Variants in ABHD3 observed in about 807,000 individuals in gnomAD.
ABHD3 encodes the protein abhydrolase domain containing 3, phospholipase.
ABHD3 carries 46 observed loss-of-function variants against 48.8 expected under a neutral mutation model. That is an observed-to-expected ratio of 0.94 (90% CI 0.74 to 1.20). The LOEUF is 1.20. Among genes scored for constraint, ABHD3 ranks in the 50% most tolerant of loss-of-function variants. The pLI is 0.00. For missense variants in ABHD3, 490 were observed against 497.8 expected, an observed-to-expected ratio of 0.98 and a Z score of 0.15; for synonymous variants, 192 against 183.7, an observed-to-expected ratio of 1.04 and a Z score of -0.36.
chr18:21,689,778 TA>T (rs935441035), intron 3 of ABHD3, among the ~76,000 whole-genome samples: 8 of 152,006 alleles, frequency 5.3e-5, no homozygotes, highest in Non-Finnish European at 8.8e-5. Flanking sequence ...CAATTAAGGC[TA>T]AAAAACTGGA....
At chr18:21,696,666 T>A (rs1339993710) in intron 3 of ABHD3, among the ~76,000 whole-genome samples, 1 of 152,224 alleles carries the variant, frequency 6.6e-6, no homozygotes, top group Admixed American at 6.5e-5. Flanking sequence ...CTGGTTTCCA[T>A]GAAGAGGGCT....
At chr18:21,668,484 C>T (rs914367235) in intron 4 of ABHD3, among the ~76,000 whole-genome samples, 47 of 151,990 alleles carry the variant, frequency 3.1e-4, no homozygotes, top group African/African-American at 1.1e-3. Flanking sequence ...AAGAAAAATG[C>T]CCTAAGGAAA....
At chr18:21,675,262 G>GTTTTT (rs61119109) in intron 4 of ABHD3, among the ~76,000 whole-genome samples, 26 of 85,478 alleles carry the variant, frequency 3.0e-4, no homozygotes, top group South Asian at 4.8e-4. Flanking sequence ...AATGAGGTGG[G>GTTTTT]TTTTTTTTTT....
In ABHD3 at chr18:21,651,345, T is replaced by C; in HGVS notation, c.*246A>G. 1 of 311,972 alleles carries C rather than the reference T, an allele frequency of 3.2e-6. No homozygotes were observed. The highest frequency in any genetic ancestry group is 5.9e-6 in the Non-Finnish European group (1 of 170,218). The allele number at this position is 311,972 out of a possible 1,614,324, so 19.3% of individuals were successfully genotyped here. On this transcript the variant is annotated 3_prime_UTR_variant, in exon 9 of 9. Coordinates refer to ENST00000289119, the MANE Select transcript of ABHD3 (RefSeq NM_138340.5). ...GCAATTTCATGTACATACTACTTTG[T>C]TTAAGGATGTACTTGGTAAGGCATA...
chr18:21,702,372 T>C lies in ABHD3; in HGVS notation c.453A>G (p.Thr151=). ...TILLLPGLTG[T]SKESYILHMI... ...TATGAAGGATATATGACTCCTTGCT[T>C]GTTCCCGTGAGGCCAGGCAACAATA... The change falls in exon 3 of 9, where the codon ACA becomes ACG. Residue 151 remains threonine (T), a synonymous_variant. Transcript: ENST00000289119. 2 of 1,613,978 alleles carry C rather than the reference T, an allele frequency of 1.2e-6. No homozygotes were observed. Among genetic ancestry groups the C allele is most frequent in the Non-Finnish European group, 1.7e-6 (2 of 1,179,924 alleles).
intron 4 of ABHD3, among the ~76,000 whole-genome samples, chr18:21,678,419 T>C (rs2039936108): frequency 1.3e-5 from 2 of 152,054 alleles, no homozygotes; most frequent in South Asian, 4.1e-4. Context: ...ATCCTATAAC[T>C]AAAAATAGGG....
chr18:21,702,444 A>G lies in ABHD3; in HGVS notation c.381T>C (p.Asn127=), dbSNP rs777566601. 6.8e-6 allele frequency: 11 copies of G among 1,613,346 alleles called. No individual in the cohort carries two copies. In the East Asian group the frequency reaches 1.8e-4, roughly 26 times the overall value. Residue 127 remains asparagine, a synonymous_variant, in exon 3 of 9, where the codon AAT becomes AAC. Coordinates refer to ENST00000289119, the MANE Select transcript of ABHD3 (RefSeq NM_138340.5). Reference sequence around the variant, plus strand: ...CATCCATATAACACGTACTGTTATCATTATCAAACCAGTCCAGTGAAATCT... The same window carrying G: ...CATCCATATAACACGTACTGTTATCGTTATCAAACCAGTCCAGTGAAATCT... ...GGQISLDWFD[N]DNSTCYMDAS... is the part of the protein sequence containing the mutation.
chr18:21,664,417 C>T (rs527503115), intron 4 of ABHD3, 187 bp from the exon 5 acceptor site: 9 of 552,002 alleles, frequency 1.6e-5, no homozygotes, highest in Admixed American at 1.4e-4. Flanking sequence ...TTAAAGTCAG[C>T]ACAGTTAGAG....
intron 3 of ABHD3, among the ~76,000 whole-genome samples, chr18:21,696,143 CTTGT>C (rs1301703942): frequency 6.7e-6 from 1 of 148,410 alleles, no homozygotes; most frequent in African/African-American, 2.5e-5. Flanking sequence ...TGTTTTTCTC[CTTGT>C]TTTTTTTTTT....
chr18:21,670,304 CTG>C (rs1484713568), intron 4 of ABHD3, among the ~76,000 whole-genome samples: 1 of 152,196 alleles, frequency 6.6e-6, no homozygotes, highest in Non-Finnish European at 1.5e-5. Flanking sequence ...GTAGCACCAG[CTG>C]TCTTTGCTAC....
chr18:21,702,241 G>T, intron 3 of ABHD3, 75 bp downstream of exon 3: 1 of 1,302,398 alleles, frequency 7.7e-7, no homozygotes, highest in Non-Finnish European at 1.0e-6. Context: ...AAGTATTTCT[G>T]AAACAAACAT....
intron 1 of ABHD3, 111 bp downstream of exon 1, chr18:21,704,393 G>A (rs374268944): frequency 3.5e-6 from 4 of 1,132,592 alleles, no homozygotes; most frequent in Non-Finnish European, 4.5e-6. Context: ...GGAGCAGCTC[G>A]CCGCCTATCC....
intron 2 of ABHD3, 119 bp downstream of exon 2, chr18:21,703,465 C>T: frequency 1.2e-5 from 14 of 1,215,970 alleles, no homozygotes; most frequent in Non-Finnish European, 1.5e-5. Context: ...TTCATTCCCT[C>T]TTTCTGTTCT....
intron 6 of ABHD3, among the ~76,000 whole-genome samples, 173 bp downstream of exon 6, chr18:21,658,997 G>A (rs1047626573): frequency 6.6e-6 from 1 of 151,780 alleles, no homozygotes; most frequent in African/African-American, 2.4e-5. Flanking sequence ...CATCACCACG[G>A]CCAGCTAATT....
intron 3 of ABHD3, among the ~76,000 whole-genome samples, chr18:21,685,848 C>A (rs2040118503): frequency 6.6e-6 from 1 of 152,226 alleles, no homozygotes; most frequent in Admixed American, 6.5e-5. Flanking sequence ...CAGGCACGTG[C>A]CACCACGCCC....
chr18:21,667,218 C>T (rs1357927629), intron 4 of ABHD3, among the ~76,000 whole-genome samples: 1 of 142,476 alleles, frequency 7.0e-6, no homozygotes, highest in African/African-American at 2.6e-5. Flanking sequence ...GGATTACAGG[C>T]GCCCACCACC....
chr18:21,674,953 G>T (rs1022626446), intron 4 of ABHD3, among the ~76,000 whole-genome samples: 1 of 151,986 alleles, frequency 6.6e-6, no homozygotes. Flanking sequence ...TGGGGTGGGG[G>T]AAGAACTCTA....
At chr18:21,663,717 G>C (rs1224469858) in intron 5 of ABHD3, 2 of 1,535,518 alleles carry the variant, frequency 1.3e-6, no homozygotes, top group South Asian at 1.2e-5. Flanking sequence ...CAGCTGGAGA[G>C]AGCAATAAGT....
In ABHD3 at chr18:21,678,334, G is replaced by A. The variant is rs567309540; in HGVS notation, c.555+5586C>T. ...TATGGTAACTCTATTTTAACTTTTG[G>A]AGGAACTGCCAGACTATTTTCCAAA... On this transcript the variant is annotated intron_variant, in intron 4 of 8. Coordinates refer to ENST00000289119, the MANE Select transcript of ABHD3 (RefSeq NM_138340.5). Among the ~76,000 whole-genome samples, 29 of 152,194 alleles carry A rather than the reference G, an allele frequency of 1.9e-4. No homozygotes were observed. The South Asian group carries it at 6.0e-3, about 32-fold the overall frequency.
Sources: gnomAD v4.1 joint callset for allele counts (sites outside exome capture counted in the v4.1 genomes callset) on GRCh38, gnomAD v4.1.1 for gene constraint, MANE v1.5 for transcripts, NCBI Gene and HGNC (gene_info 2026-07-23, HGNC 2026-07-21) for gene names.